Variants in CTNNA3 observed in about 807,000 individuals in gnomAD.
CTNNA3 encodes catenin alpha 3, also known as catenin alpha-3.
CTNNA3 carries 76 observed loss-of-function variants against 95.7 expected under a neutral mutation model. That is an observed-to-expected ratio of 0.79 (90% CI 0.66 to 0.96). The LOEUF is 0.96. Ranked by LOEUF, CTNNA3 falls within the 40% of genes least tolerant of loss-of-function variation. The pLI, the probability that CTNNA3 is intolerant of heterozygous loss-of-function variation, is 0.00. For missense variants in CTNNA3, 1,191 were observed against 1,089.8 expected (o/e 1.09, Z -1.31); for synonymous variants, 431 against 374.4 (o/e 1.15, Z -1.74).
At chr10:66,900,042 C>A (rs570372383) in intron 7 of CTNNA3, among the ~76,000 whole-genome samples, 4 of 152,112 alleles carry the variant, frequency 2.6e-5, no homozygotes, top group Non-Finnish European at 5.9e-5. Flanking sequence ...ACAGACGGCC[C>A]CCTCAAGTGG....
intron 15 of CTNNA3, among the ~76,000 whole-genome samples, chr10:66,032,578 A>G (rs2079470847): frequency 6.6e-6 from 1 of 152,170 alleles, no homozygotes; most frequent in Non-Finnish European, 1.5e-5. Flanking sequence ...TTTATAATTC[A>G]TTTATTAATT....
chr10:66,261,867 C>T (rs563696020), intron 13 of CTNNA3, among the ~76,000 whole-genome samples: 3 of 152,058 alleles, frequency 2.0e-5, no homozygotes, highest in African/African-American at 7.2e-5. Flanking sequence ...TGACTTCCCC[C>T]TGTACTCTTC....
intron 7 of CTNNA3, among the ~76,000 whole-genome samples, chr10:67,154,423 G>A (rs573510856): frequency 1.3e-5 from 2 of 152,244 alleles, no homozygotes; most frequent in South Asian, 2.1e-4. Flanking sequence ...GAGTCATTAA[G>A]TCAGACACCT....
intron 5 of CTNNA3, among the ~76,000 whole-genome samples, chr10:67,513,942 C>T (rs558794437): frequency 6.6e-6 from 1 of 152,300 alleles, no homozygotes; most frequent in Admixed American, 6.5e-5. Flanking sequence ...TGTCCCAACT[C>T]TTGTCATTAG....
chr10:66,951,426 T>C (rs923132547), intron 7 of CTNNA3, among the ~76,000 whole-genome samples: 3 of 152,136 alleles, frequency 2.0e-5, no homozygotes, highest in Non-Finnish European at 4.4e-5. Flanking sequence ...CAACACCATA[T>C]CTTTTAAATG....
At chr10:65,940,139 T>C (rs748573173) in intron 17 of CTNNA3, among the ~76,000 whole-genome samples, 6 of 152,172 alleles carry the variant, frequency 3.9e-5, no homozygotes, top group Non-Finnish European at 8.8e-5. Flanking sequence ...TTTCTGAATC[T>C]GTAAGAAAGG....
At chr10:67,322,286 T>C (rs922673027) in intron 5 of CTNNA3, among the ~76,000 whole-genome samples, 3 of 152,188 alleles carry the variant, frequency 2.0e-5, no homozygotes, top group African/African-American at 7.2e-5. Flanking sequence ...GGTAAACTTG[T>C]ATCATGAGGG....
At chr10:66,749,202 C>CAAAAAAAAAAAAAAAAAAA (rs35568730) in intron 9 of CTNNA3, among the ~76,000 whole-genome samples, 2 of 50,856 alleles carry the variant, frequency 3.9e-5, no homozygotes, top group East Asian at 7.8e-4. Context: ...AACTCCAACT[C>CAAAAAAAAAAAAAAAAAAA]AAAAAAAAAA....
intron 13 of CTNNA3, among the ~76,000 whole-genome samples, chr10:66,142,861 C>T (rs1322360303): frequency 6.6e-6 from 1 of 151,916 alleles, no homozygotes; most frequent in East Asian, 1.9e-4. Flanking sequence ...ATAAGACAAG[C>T]ATATGGAAAG....
At chr10:67,121,981 C>CAAAAAAAAAAAAA (rs370358378) in intron 7 of CTNNA3, among the ~76,000 whole-genome samples, 1 of 47,150 alleles carries the variant, frequency 2.1e-5, no homozygotes, top group Non-Finnish European at 4.3e-5. Context: ...TTATTCTGAG[C>CAAAAAAAAAAAAA]AAAAAAAAAA....
intron 7 of CTNNA3, among the ~76,000 whole-genome samples, chr10:67,135,838 C>T (rs1248168346): frequency 2.0e-5 from 3 of 152,102 alleles, no homozygotes; most frequent in Non-Finnish European, 4.4e-5. Flanking sequence ...AAAAAATTAA[C>T]TCATTCAAAT....
At chr10:67,612,337 T>C (rs759662803) in intron 2 of CTNNA3, among the ~76,000 whole-genome samples, 1 of 152,266 alleles carries the variant, frequency 6.6e-6, no homozygotes, top group Non-Finnish European at 1.5e-5. Flanking sequence ...CTTATATAAG[T>C]ACAAAGAAAG....
intron 7 of CTNNA3, among the ~76,000 whole-genome samples, chr10:67,143,106 T>C (rs1202419124): frequency 6.6e-6 from 1 of 151,604 alleles, no homozygotes; most frequent in East Asian, 2.0e-4. Flanking sequence ...GAAACAACAA[T>C]GGAGTTTGCT....
At chr10:66,512,801 T>C (rs1271155751) in intron 11 of CTNNA3, among the ~76,000 whole-genome samples, 2 of 152,152 alleles carry the variant, frequency 1.3e-5, no homozygotes, top group Admixed American at 6.5e-5. Context: ...GTTTTTTCTT[T>C]TTTTTATTCC....
intron 5 of CTNNA3, among the ~76,000 whole-genome samples, chr10:67,230,075 T>G (rs554937741): frequency 1.1e-4 from 17 of 152,112 alleles, no homozygotes; most frequent in Non-Finnish European, 1.8e-4. Flanking sequence ...CAAACTATAC[T>G]ATAAGGCCAT....
At chr10:66,474,149 T>C (rs1298004066) in intron 11 of CTNNA3, among the ~76,000 whole-genome samples, 3 of 152,080 alleles carry the variant, frequency 2.0e-5, no homozygotes, top group Non-Finnish European at 2.9e-5. Context: ...GTCTGTGCAA[T>C]AGAACAGAAG....
At chr10:66,487,062 T>A (rs1839753914) in intron 11 of CTNNA3, among the ~76,000 whole-genome samples, 1 of 152,064 alleles carries the variant, frequency 6.6e-6, no homozygotes, top group African/African-American at 2.4e-5. Context: ...AAATGAGGTG[T>A]TGCCCAAAGG....
In CTNNA3 at chr10:66,457,086, C is replaced by T. The variant is rs533549252; in HGVS notation, c.1531+63531G>A. On this transcript the variant is annotated intron_variant, in intron 11 of 17. Coordinates refer to ENST00000433211, the MANE Select transcript of CTNNA3 (RefSeq NM_013266.4). ...TCCAGCCTAGGCATCAAATTGAGACCCTGTCTCAAAAAATGGAAAAAACAA... is the reference window on the plus strand; with the variant it reads ...TCCAGCCTAGGCATCAAATTGAGACTCTGTCTCAAAAAATGGAAAAAACAA... 8.6e-5 allele frequency among the ~76,000 whole-genome samples: 13 copies of T among 152,002 alleles called. No homozygotes were observed. The East Asian group carries it at 1.9e-3, about 23-fold the overall frequency.
At chr10:67,348,742 A>G (rs1166064359) in intron 5 of CTNNA3, among the ~76,000 whole-genome samples, 2 of 152,166 alleles carry the variant, frequency 1.3e-5, no homozygotes, top group Non-Finnish European at 2.9e-5. Flanking sequence ...AACACCTCCC[A>G]TTAGGCTCAC....
Sources: allele counts gnomAD v4.1 joint callset (sites outside exome capture counted in the v4.1 genomes callset), GRCh38; gene constraint gnomAD v4.1.1; transcripts MANE v1.5; gene names NCBI Gene and HGNC (gene_info 2026-07-23, HGNC 2026-07-21).